The following KCNB2 variants were observed in gnomAD, a reference collection of about 807,000 sequenced individuals.
The protein encoded by KCNB2 is delayed rectifier potassium channel protein.
KCNB2 carries 15 observed loss-of-function variants against 61.5 expected under a neutral mutation model. The observed-to-expected ratio is 0.24, with a 90% confidence interval of 0.16 to 0.38. KCNB2 has a LOEUF of 0.38. KCNB2 is among the 10% of genes least tolerant of loss of function. The pLI is 1.00. For synonymous variants in KCNB2, 457 were observed against 446.0 expected (o/e 1.02, Z -0.31); for missense variants, 828 against 1,125.2 (o/e 0.74, Z 3.78).
At position 72,938,205 on chromosome 8, in the gene KCNB2, A is replaced by C. The variant is rs1051981763; in HGVS notation, c.*114A>C. 3 of 786,434 alleles carry C rather than the reference A, an allele frequency of 3.8e-6. No individual in the cohort carries two copies. The Admixed American group carries it at 7.9e-5, about 21-fold the overall frequency. The allele number at this position is 786,434 out of a possible 1,614,324, so 48.7% of individuals were successfully genotyped here. A position where few individuals can be genotyped will look rare whatever the true frequency, so the allele number is the denominator to read the frequency against. ...AAAATGGGAAGCCCTCCCCAAAAAA[A>C]GTGCATAAAATGTTATTTTTGCATG... On this transcript the variant is annotated 3_prime_UTR_variant, in exon 3 of 3. Coordinates refer to ENST00000523207, the MANE Select transcript of KCNB2 (RefSeq NM_004770.3).
In KCNB2 at chr8:72,936,314, G is replaced by C; in HGVS notation, c.959G>C (p.Gly320Ala). 1 of 1,614,242 alleles carries C rather than the reference G, an allele frequency of 6.2e-7. No homozygotes were observed. The highest frequency in any genetic ancestry group is 1.1e-5 in the South Asian group (1 of 91,084). ...RILKLARHSTGLQSLGFTLRR... is the reference protein window; with the variant it reads ...RILKLARHSTALQSLGFTLRR... ...CTGAAACTCGCCAGGCATTCGACAG[G>C]CCTGCAGTCTCTGGGTTTCACCCTT... Residue 320 changes from glycine (G) to alanine (A), a missense_variant, in exon 3 of 3, where the codon GGC becomes GCC. Around this residue, in one of 4 missense-constraint regions of KCNB2, gnomAD observed 44 missense variants for 167.6 expected, o/e 0.26. Coordinates refer to ENST00000523207, the MANE Select transcript of KCNB2 (RefSeq NM_004770.3). The surrounding 1 kb of genome is among the most constrained non-coding windows in gnomAD (Gnocchi z 5.6).
intron 2 of KCNB2, among the ~76,000 whole-genome samples, chr8:72,675,963 G>A (rs1174626951): frequency 1.3e-5 from 2 of 151,672 alleles, no homozygotes. Flanking sequence ...AATTATGTGA[G>A]TGCATTGGAG....
chr8:72,622,100 G>A (rs1207951862), intron 2 of KCNB2, among the ~76,000 whole-genome samples: 1 of 152,122 alleles, frequency 6.6e-6, no homozygotes, highest in Admixed American at 6.5e-5. Flanking sequence ...CAAGCCCTCT[G>A]GGAAATGTTG....
At chr8:72,560,954 G>A (rs945465135) in intron 1 of KCNB2, among the ~76,000 whole-genome samples, 4 of 151,838 alleles carry the variant, frequency 2.6e-5, no homozygotes, top group South Asian at 2.1e-4. Context: ...ATTATATTAC[G>A]GGGTCTAAAC....
chr8:72,823,906 G>T (rs1360439327), intron 2 of KCNB2, among the ~76,000 whole-genome samples: 1 of 152,146 alleles, frequency 6.6e-6, no homozygotes, highest in Non-Finnish European at 1.5e-5. Flanking sequence ...TTCCATGAAA[G>T]CCTATACCAG....
chr8:72,585,512 A>G (rs976821436), intron 2 of KCNB2, among the ~76,000 whole-genome samples: 4 of 152,190 alleles, frequency 2.6e-5, no homozygotes, highest in African/African-American at 4.8e-5. Context: ...ATGATCAATA[A>G]ATGCTTAGTT....
intron 2 of KCNB2, among the ~76,000 whole-genome samples, chr8:72,834,540 G>C (rs1289001303): frequency 1.3e-5 from 2 of 152,074 alleles, no homozygotes; most frequent in African/African-American, 4.8e-5. Flanking sequence ...ACATGGAGTG[G>C]AACCAAACCA....
intron 2 of KCNB2, among the ~76,000 whole-genome samples, chr8:72,815,002 G>C (rs905782222): frequency 6.6e-6 from 1 of 152,094 alleles, no homozygotes; most frequent in Non-Finnish European, 1.5e-5. Context: ...TTTCTACTGA[G>C]GTTGTATAAT....
chr8:72,818,310 T>A (rs1809438206), intron 2 of KCNB2, among the ~76,000 whole-genome samples: 1 of 152,194 alleles, frequency 6.6e-6, no homozygotes, highest in African/African-American at 2.4e-5. Context: ...TCAAATCTAT[T>A]ACTCCTATTA....
chr8:72,670,017 A>G (rs904715342), intron 2 of KCNB2, among the ~76,000 whole-genome samples: 2 of 152,228 alleles, frequency 1.3e-5, no homozygotes, highest in African/African-American at 4.8e-5. Context: ...TATTAGCTGG[A>G]TCGCTTGACT....
intron 1 of KCNB2, among the ~76,000 whole-genome samples, chr8:72,561,751 A>ACATG: frequency 4.0e-5 from 1 of 25,028 alleles, no homozygotes; most frequent in Admixed American, 5.5e-4. Context: ...ATATATGTAT[A>ACATG]TATATATATG....
chr8:72,745,294 G>A (rs974189435), intron 2 of KCNB2, among the ~76,000 whole-genome samples: 6 of 152,058 alleles, frequency 3.9e-5, no homozygotes, highest in African/African-American at 1.4e-4. Context: ...ATATTTTTAT[G>A]GCATGCATGC....
At chr8:72,618,471 T>C (rs1021139078) in intron 2 of KCNB2, among the ~76,000 whole-genome samples, 1 of 152,196 alleles carries the variant, frequency 6.6e-6, no homozygotes, top group African/African-American at 2.4e-5. Flanking sequence ...TATATTGAAA[T>C]AGAACACTAG....
chr8:72,756,132 G>A (rs1027978815), intron 2 of KCNB2, among the ~76,000 whole-genome samples: 1 of 152,178 alleles, frequency 6.6e-6, no homozygotes, highest in African/African-American at 2.4e-5. Flanking sequence ...ACTCCTTGGG[G>A]TCCGCAGTCA....
At chr8:72,691,464 T>A (rs1312161649) in intron 2 of KCNB2, among the ~76,000 whole-genome samples, 1 of 152,238 alleles carries the variant, frequency 6.6e-6, no homozygotes, top group Non-Finnish European at 1.5e-5. Context: ...GTCTTATAAC[T>A]ATTTTAGTGA....
chr8:72,736,285 G>T (rs1400207057), intron 2 of KCNB2, among the ~76,000 whole-genome samples: 3 of 151,742 alleles, frequency 2.0e-5, no homozygotes, highest in East Asian at 1.9e-4. Flanking sequence ...AAAAAAGCTT[G>T]AAATCTAAAA....
At chr8:72,700,556 A>G (rs1442493746) in intron 2 of KCNB2, among the ~76,000 whole-genome samples, 4 of 152,140 alleles carry the variant, frequency 2.6e-5, no homozygotes, top group African/African-American at 4.8e-5. Context: ...AACAAATGAC[A>G]AATGTTATTG....
chr8:72,894,111 A>AATG (rs1202173198), intron 2 of KCNB2, among the ~76,000 whole-genome samples: 1 of 152,184 alleles, frequency 6.6e-6, no homozygotes, highest in African/African-American at 2.4e-5. Context: ...GGGGTAGGTG[A>AATG]ATGATGAAGG....
intron 2 of KCNB2, among the ~76,000 whole-genome samples, chr8:72,906,104 A>G (rs1806172307): frequency 6.6e-6 from 1 of 152,236 alleles, no homozygotes. Flanking sequence ...TCAGATGAAT[A>G]TCTTAGTCTT....
Sources: gnomAD v4.1 joint callset for allele counts (sites outside exome capture counted in the v4.1 genomes callset) on GRCh38, gnomAD v4.1.1 for gene constraint, gnomAD v4.1.1 regional missense constraint, Gnocchi (gnomAD v3.1) non-coding constraint, MANE v1.5 for transcripts, NCBI Gene and HGNC (gene_info 2026-07-23, HGNC 2026-07-21) for gene names.